Variants in RELCH observed in about 807,000 individuals in gnomAD.
RELCH encodes RAB11 binding and LisH domain, coiled-coil and HEAT repeat containing.
In RELCH, 41 loss-of-function variants were observed where a neutral mutation model predicts 150.3. The ratio of observed to expected loss-of-function variants is 0.27; its 90% confidence interval spans 0.21 to 0.35. The LOEUF (loss-of-function observed/expected upper bound fraction) is 0.35. RELCH is among the 10% of genes least tolerant of loss of function. The pLI is 1.00. For missense variants in RELCH, 1,092 were observed against 1,467.8 expected (o/e 0.74, Z 4.18); for synonymous variants, 478 against 531.8 (o/e 0.90, Z 1.39).
rs146807596 is a variant in RELCH, at chr18:62,191,226, A to C, written c.526+3195A>C. Among the ~76,000 whole-genome samples the C allele has an allele frequency of 2.0e-5, 3 of 152,356 alleles. No individual in the cohort carries two copies. The South Asian group carries it at 6.2e-4, about 32-fold the overall frequency. On this transcript the variant is annotated intron_variant, in intron 1 of 28. Transcript: ENST00000644646. ...TTTAAAATTTCCACCACCAATGTAC[A>C]AGAGTTCCAGTTTCTGTACATCTCC...
intron 18 of RELCH, 109 bp from the exon 19 acceptor site, chr18:62,266,592 A>G: frequency 1.6e-6 from 1 of 630,356 alleles, no homozygotes. Flanking sequence ...AGTCATCTAT[A>G]AAGCTAAATA....
chr18:62,205,431 A>G (rs2039716186), intron 1 of RELCH, among the ~76,000 whole-genome samples: 1 of 152,196 alleles, frequency 6.6e-6, no homozygotes, highest in South Asian at 2.1e-4. Context: ...TTCCTACCGT[A>G]AAGTACTATT....
rs370347313 is a variant in RELCH, at chr18:62,296,793, T to C, written c.3460-1997T>C. Among the ~76,000 whole-genome samples the C allele has an allele frequency of 1.5e-4, 23 of 152,356 alleles. 2 individuals carry two copies. Among genetic ancestry groups the C allele is most frequent in the African/African-American group, 5.5e-4 (23 of 41,582 alleles). On this transcript the variant is annotated intron_variant, in intron 27 of 28. Transcript: ENST00000644646. ...TTGAGATGATCATGAGGTTGTTTTTTCTTCTGTTGATACAGTGTATTACAT... is the reference window on the plus strand; with the variant it reads ...TTGAGATGATCATGAGGTTGTTTTTCCTTCTGTTGATACAGTGTATTACAT...
chr18:62,196,144 A>G (rs2039025814), intron 1 of RELCH, among the ~76,000 whole-genome samples: 1 of 152,132 alleles, frequency 6.6e-6, no homozygotes, highest in African/African-American at 2.4e-5. Context: ...CTACTTTATA[A>G]AGTAGTTCCC....
chr18:62,199,210 A>C (rs923431763), intron 1 of RELCH, among the ~76,000 whole-genome samples: 7 of 148,290 alleles, frequency 4.7e-5, no homozygotes, highest in Non-Finnish European at 8.9e-5. Flanking sequence ...CCTTTCCCTA[A>C]AGTTTCTCCA....
At chr18:62,280,255 C>A in intron 23 of RELCH, 2 of 884,252 alleles carry the variant, frequency 2.3e-6, no homozygotes, top group Admixed American at 2.0e-5. Flanking sequence ...GATGACTAAA[C>A]CAAGAAAGGC....
intron 28 of RELCH, among the ~76,000 whole-genome samples, chr18:62,301,918 C>G (rs572591858): frequency 6.6e-6 from 1 of 152,160 alleles, no homozygotes; most frequent in African/African-American, 2.4e-5. Flanking sequence ...AAAGTAGATA[C>G]TTTTACTATT....
At chr18:62,273,191 C>T (rs2044003518) in intron 20 of RELCH, among the ~76,000 whole-genome samples, 1 of 152,016 alleles carries the variant, frequency 6.6e-6, no homozygotes, top group Admixed American at 6.6e-5. Flanking sequence ...TTCCCATATA[C>T]ATTTAGGTTA....
Position 62,187,719 on chromosome 18 carries a change from C to T in RELCH, c.214C>T (p.Pro72Ser). 6.2e-7 allele frequency: 1 copy of T among 1,607,390 alleles called. No individual in the cohort carries two copies. Among genetic ancestry groups the T allele is most frequent in the Admixed American group, 1.7e-5 (1 of 59,614 alleles). The change falls in exon 1 of 29, where the codon CCT becomes TCT. Residue 72 changes from proline to serine, a missense_variant. Physicochemically the swap from Pro to Ser is moderately conservative, Grantham distance 74. This residue lies in a region of RELCH where 138 missense variants were observed against 124.8 expected (regional missense o/e 1.11). Coordinates refer to ENST00000644646, the MANE Select transcript of RELCH (RefSeq NM_001346231.2). ...ALGSSARPGL[P>S]GEASAAAVAL... ...AGGAAGCAGTGCGCGGCCAGGGCTC[C>T]CTGGGGAGGCGTCGGCGGCTGCAGT...
chr18:62,277,682 A>C (rs1413670243), intron 22 of RELCH: 1 of 976,382 alleles, frequency 1.0e-6, no homozygotes, highest in Admixed American at 6.2e-5. Context: ...TCACTAATAA[A>C]TTGAGTTTAA....
intron 27 of RELCH, among the ~76,000 whole-genome samples, chr18:62,295,607 G>T (rs963577462): frequency 7.9e-5 from 12 of 151,896 alleles, no homozygotes; most frequent in African/African-American, 2.9e-4. Flanking sequence ...TTGAGACAGG[G>T]TCTCACTGTC....
At chr18:62,263,899 G>T in intron 16 of RELCH, 90 bp from the exon 17 acceptor site, 1 of 892,754 alleles carries the variant, frequency 1.1e-6, no homozygotes, top group Admixed American at 2.6e-5. Flanking sequence ...TAAATATGAG[G>T]AGAAAGGACC....
In RELCH at chr18:62,188,022, G is replaced by A. The variant is rs1474755032; in HGVS notation, c.517G>A (p.Gly173Arg). ...GREPSTASGG[G>R]QLNRAGSIST... ...GGAACCGAGTACAGCGTCGGGCGGG[G>A]GACAGCTCAGTAAGTGGACGCAGCC... Residue 173 changes from glycine (G) to arginine (R), a missense_variant, in exon 1 of 29, where the codon GGA (glycine) becomes AGA (arginine). Around this residue, in one of 4 missense-constraint regions of RELCH, gnomAD observed 190 missense variants for 276.2 expected, o/e 0.69. Coordinates refer to ENST00000644646, the MANE Select transcript of RELCH (RefSeq NM_001346231.2). 3 of 1,569,948 alleles carry A rather than the reference G, an allele frequency of 1.9e-6. No individual in the cohort carries two copies. The highest frequency in any genetic ancestry group is 2.6e-6 in the Non-Finnish European group (3 of 1,158,282).
intron 28 of RELCH, among the ~76,000 whole-genome samples, chr18:62,299,603 C>T (rs1225792405): frequency 6.6e-6 from 1 of 152,116 alleles, no homozygotes; most frequent in African/African-American, 2.4e-5. Flanking sequence ...TATAAAGCCT[C>T]TTAGAATGGA....
chr18:62,189,192 C>A (rs1347696600), intron 1 of RELCH, among the ~76,000 whole-genome samples: 1 of 150,332 alleles, frequency 6.7e-6, no homozygotes. Context: ...TCATTGCTGA[C>A]CTTTAAGACT....
At chr18:62,236,216 A>AT (rs1351597336) in intron 10 of RELCH, among the ~76,000 whole-genome samples, 2 of 151,878 alleles carry the variant, frequency 1.3e-5, no homozygotes, top group East Asian at 3.9e-4. Context: ...TGATAATGCG[A>AT]TTTTTCCCCT....
chr18:62,250,148 T>C (rs1303953418), intron 11 of RELCH, among the ~76,000 whole-genome samples: 1 of 152,194 alleles, frequency 6.6e-6, no homozygotes, highest in Non-Finnish European at 1.5e-5. Flanking sequence ...CCTGTGGGCC[T>C]TCTAATCTTT....
chr18:62,199,031 G>T (rs1312137355), intron 1 of RELCH, among the ~76,000 whole-genome samples: 1 of 150,592 alleles, frequency 6.6e-6, no homozygotes, highest in Non-Finnish European at 1.5e-5. Context: ...TGAAACATGT[G>T]TTATATTTTC....
At chr18:62,231,086 G>T in intron 8 of RELCH, 108 bp from the exon 9 acceptor site, 2 of 712,654 alleles carry the variant, frequency 2.8e-6, no homozygotes, top group Non-Finnish European at 4.7e-6. Context: ...TAGCTTTGTG[G>T]GGTAGGATTA....
Sources: allele counts gnomAD v4.1 joint callset (sites outside exome capture counted in the v4.1 genomes callset), GRCh38; gene constraint gnomAD v4.1.1; regional missense constraint gnomAD v4.1.1; transcripts MANE v1.5; gene names NCBI Gene and HGNC (gene_info 2026-07-23, HGNC 2026-07-21).